Variants in SNURF observed in about 807,000 individuals in gnomAD.
The protein encoded by SNURF is SNURF protein.
A neutral mutation model predicts 11.6 loss-of-function variants in SNURF; 6 were observed. The ratio of observed to expected loss-of-function variants is 0.52; its 90% CI spans 0.28 to 1.02. The LOEUF is 1.02. Among genes scored for constraint, SNURF ranks in the 50% least tolerant of loss-of-function variants. SNURF has a pLI of 0.09. For missense variants in SNURF, 84 were observed against 88.4 expected (o/e 0.95, Z 0.20); for synonymous variants, 29 against 31.6 (o/e 0.92, Z 0.27).
chr15:24,974,883 G>A, intron 3 of SNURF: 2 of 702,236 alleles, frequency 2.8e-6, no homozygotes, highest in Non-Finnish European at 5.2e-6. Context: ...GTTTCATGAT[G>A]TGAGAAAATA....
At chr15:24,961,667 T>A (rs1037201122) in intron 1 of SNURF, among the ~76,000 whole-genome samples, 1 of 152,240 alleles carries the variant, frequency 6.6e-6, no homozygotes, top group African/African-American at 2.4e-5. Context: ...AGATATTTTA[T>A]AATTTAAACT....
downstream of SNURF, among the ~76,000 whole-genome samples, chr15:24,972,077 G>A (rs187409136): frequency 5.1e-3 from 778 of 152,108 alleles, 4 homozygotes; most frequent in African/African-American, 0.018. Flanking sequence ...CCAACGTAGC[G>A]AAATTCCTTC....
downstream of SNURF, among the ~76,000 whole-genome samples, chr15:24,973,437 G>T (rs2076687732): frequency 6.6e-6 from 1 of 151,872 alleles, no homozygotes; most frequent in South Asian, 2.1e-4. Context: ...CCTCCTTGTT[G>T]CCCAGGCTGG....
At chr15:24,966,428 C>T (rs1056417248) in intron 2 of SNURF, among the ~76,000 whole-genome samples, 20 of 152,194 alleles carry the variant, frequency 1.3e-4, no homozygotes, top group East Asian at 1.2e-3. Context: ...CTCCAGATGT[C>T]GATGATTTTT....
At chr15:24,960,920 GAA>G (rs2074688780) in intron 1 of SNURF, among the ~76,000 whole-genome samples, 1 of 152,126 alleles carries the variant, frequency 6.6e-6, no homozygotes, top group Admixed American at 6.6e-5. Context: ...TCTGTCACCT[GAA>G]AAAGTTTCTT....
exon 3 of SNURF, chr15:24,967,945 C>A (rs758784397): frequency 5.6e-6 from 9 of 1,613,668 alleles, no homozygotes; most frequent in African/African-American, 1.3e-5. Flanking sequence ...TCAGTTGTAC[C>A]CGAGGCGTTC....
chr15:24,959,665 T>G (rs2074447962), intron 1 of SNURF, among the ~76,000 whole-genome samples: 1 of 152,202 alleles, frequency 6.6e-6, no homozygotes, highest in Admixed American at 6.5e-5. Context: ...AGGTACTACA[T>G]TATTAGCTGT....
At chr15:24,967,161 C>T (rs1041288816) in intron 2 of SNURF, 3 of 152,192 alleles carry the variant, frequency 2.0e-5, no homozygotes, top group African/African-American at 7.2e-5. Flanking sequence ...AAGTGAGTGA[C>T]TATATATGGT....
At chr15:24,976,482 G>GCTCTACCCTGATTTCAGAC in intron 5 of SNURF, 1 of 1,079,460 alleles carries the variant, frequency 9.3e-7, no homozygotes, top group Non-Finnish European at 1.4e-6. Context: ...TGAGATGTCT[G>GCTCTACCCTGATTTCAGAC]AAATCAGGGT....
downstream of SNURF, chr15:24,977,914 C>T: frequency 6.4e-7 from 1 of 1,560,556 alleles, no homozygotes; most frequent in Non-Finnish European, 8.7e-7. Context: ...ACCCCACCTC[C>T]AGGTAAGGGA....
intron 2 of SNURF, among the ~76,000 whole-genome samples, chr15:24,966,559 A>G (rs2075671111): frequency 6.6e-6 from 1 of 152,052 alleles, no homozygotes; most frequent in Non-Finnish European, 1.5e-5. Context: ...TCTTTGTTTG[A>G]TCTTTTGTGG....
intron 1 of SNURF, among the ~76,000 whole-genome samples, chr15:24,959,936 T>A (rs1278365143): frequency 6.6e-6 from 1 of 152,032 alleles, no homozygotes; most frequent in African/African-American, 2.4e-5. Flanking sequence ...AGTATGAGAG[T>A]AGTGGTAGCT....
At chr15:24,956,700 A>AG (rs2062974642) in intron 1 of SNURF, among the ~76,000 whole-genome samples, 1 of 152,082 alleles carries the variant, frequency 6.6e-6, no homozygotes, top group African/African-American at 2.4e-5. Context: ...GGCGCAGTAG[A>AG]GGGGGGAGGA....
At chr15:24,963,140 G>T (rs935334510) in intron 2 of SNURF, among the ~76,000 whole-genome samples, 1 of 152,110 alleles carries the variant, frequency 6.6e-6, no homozygotes, top group Admixed American at 6.5e-5. Flanking sequence ...ATACGACACC[G>T]TGCTGTCTGT....
At chr15:24,955,263 C>T (rs1347259835) in intron 1 of SNURF, among the ~76,000 whole-genome samples, 3 of 152,092 alleles carry the variant, frequency 2.0e-5, no homozygotes, top group African/African-American at 7.2e-5. Flanking sequence ...CCTGTCCGCT[C>T]GCATTGGGGC....
At chr15:24,968,597 C>T (rs916676550), downstream of SNURF, among the ~76,000 whole-genome samples, 23 of 152,000 alleles carry the variant, frequency 1.5e-4, no homozygotes, top group Non-Finnish European at 1.0e-4. Flanking sequence ...AATAAAGGGC[C>T]AGTTACAACA....
downstream of SNURF, chr15:24,977,894 C>A: frequency 6.3e-7 from 1 of 1,578,306 alleles, no homozygotes; most frequent in Non-Finnish European, 8.6e-7. Flanking sequence ...CCCCACCCGT[C>A]GGCAGAGCAA....
intron 1 of SNURF, among the ~76,000 whole-genome samples, chr15:24,960,231 T>C (rs2074546394): frequency 1.3e-5 from 2 of 152,226 alleles, no homozygotes; most frequent in East Asian, 3.8e-4. Context: ...ACTTTCATGA[T>C]TAACATTTTT....
intron 1 of SNURF, among the ~76,000 whole-genome samples, chr15:24,958,516 T>A (rs1357694597): frequency 3.6e-5 from 3 of 83,648 alleles, no homozygotes; most frequent in African/African-American, 1.5e-4. Context: ...TTTTTTTTTT[T>A]TTTTAAATAG....
Sources: gnomAD v4.1 joint callset for allele counts (sites outside exome capture counted in the v4.1 genomes callset) on GRCh38, gnomAD v4.1.1 for gene constraint, MANE v1.5 for transcripts, NCBI Gene and HGNC (gene_info 2026-07-23, HGNC 2026-07-21) for gene names.